Variants in PIK3CD observed in about 807,000 individuals in gnomAD.
PIK3CD encodes phosphatidylinositol-4,5-bisphosphate 3-kinase catalytic subunit delta, also known as phosphatidylinositol 4,5-bisphosphate 3-kinase catalytic subunit delta isoform.
PIK3CD carries 20 observed loss-of-function variants against 122.9 expected under a neutral mutation model. That is an observed-to-expected ratio of 0.16 (90% CI 0.11 to 0.24). The LOEUF is 0.24. Among genes scored for constraint, PIK3CD ranks in the 10% least tolerant of loss-of-function variants. The pLI is 1.00. For missense variants in PIK3CD, 787 were observed against 1,406.3 expected, an observed-to-expected ratio of 0.56 and a Z score of 7.04; for synonymous variants, 596 against 593.4, an observed-to-expected ratio of 1.00 and a Z score of -0.06.
rs1217360549 is a variant in PIK3CD, at chr1:9,689,094, C to A, written c.-137-2373C>A. On this transcript the variant is annotated intron_variant, in intron 1 of 23. Transcript: ENST00000377346. This position sits in a 1 kb window ranked among gnomAD's most constrained non-coding sequence, Gnocchi z 6.1. The stretch of plus-strand genomic sequence containing the variant: ...AGTGAGTCTGGCTCCGGCTCTGTGA[C>A]CTGGGTCCAGTACCCCGCCCTTTCT... Among the ~76,000 whole-genome samples the A allele has an allele frequency of 6.6e-6, 1 of 152,230 alleles. No homozygotes were observed. Among genetic ancestry groups the A allele is most frequent in the Non-Finnish European group, 1.5e-5 (1 of 68,036 alleles).
At chr1:9,705,624 T>C (rs1646803011) in intron 2 of PIK3CD, among the ~76,000 whole-genome samples, 1 of 152,192 alleles carries the variant, frequency 6.6e-6, no homozygotes, top group Admixed American at 6.5e-5. Context: ...AGGAATGGAA[T>C]CTAGAATATA....
At position 9,721,156 on chromosome 1, in the gene PIK3CD, G is replaced by C. The variant is rs774421473; in HGVS notation, c.1719G>C (p.Glu573Asp). The C allele has an allele frequency of 6.2e-7, 1 of 1,612,834 alleles. No individual in the cohort carries two copies. Among genetic ancestry groups the C allele is most frequent in the East Asian group, 2.2e-5 (1 of 44,872 alleles). ...TCTACCTGCTGTGCTCCTGGCCGGAGCTGCCCGTCCTGAGCGCCCTGGAGC... is the reference window on the plus strand; with the variant it reads ...TCTACCTGCTGTGCTCCTGGCCGGACCTGCCCGTCCTGAGCGCCCTGGAGC... ...QMLYLLCSWP[E>D]LPVLSALELL... The change falls in exon 14 of 24, where the codon GAG becomes GAC. Residue 573 changes from glutamate (E) to aspartate (D), a missense_variant. Around this residue, in one of 6 missense-constraint regions of PIK3CD, gnomAD observed 592 missense variants for 920.6 expected, o/e 0.64. Coordinates refer to ENST00000377346, the MANE Select transcript of PIK3CD (RefSeq NM_005026.5).
Position 9,716,968 on chromosome 1 carries a change from A to G in PIK3CD, c.790A>G (p.Ser264Gly). Residue 264 changes from serine to glycine, a missense_variant, in exon 7 of 24, where the codon AGC (serine) becomes GGC (glycine). Physicochemically the swap from Ser to Gly is moderately conservative, Grantham distance 56 (BLOSUM62 0). Around this residue, in one of 6 missense-constraint regions of PIK3CD, gnomAD observed 592 missense variants for 920.6 expected, o/e 0.64. Coordinates refer to ENST00000377346, the MANE Select transcript of PIK3CD (RefSeq NM_005026.5). ...CTGCACCCCGTCTCAGTACATCTGC[A>G]GCTGCCTGCACAGTGGGTTGACCCC... Reference protein sequence around the residue: ...YPLCQFQYICSCLHSGLTPHL... With the variant: ...YPLCQFQYICGCLHSGLTPHL... The G allele has an allele frequency of 6.2e-7, 1 of 1,613,790 alleles. No individual in the cohort carries two copies. Among genetic ancestry groups the G allele is most frequent in the Non-Finnish European group, 8.5e-7 (1 of 1,180,006 alleles).
chr1:9,672,394 A>G (rs1208300135), intron 1 of PIK3CD: 1 of 152,146 alleles, frequency 6.6e-6, no homozygotes, highest in Non-Finnish European at 1.5e-5. Context: ...ATGATGAACC[A>G]TTAGACACAA....
chr1:9,636,878 T>C, the PIK3CD span, among the ~76,000 whole-genome samples: 1 of 144,210 alleles, frequency 6.9e-6, no homozygotes, highest in East Asian at 2.6e-4. Flanking sequence ...TATGGCATGG[T>C]TTCTTTTTTT....
chr1:9,688,374 A>G (rs577954589), intron 1 of PIK3CD: 2 of 152,376 alleles, frequency 1.3e-5, no homozygotes, highest in East Asian at 3.9e-4. Flanking sequence ...CTTGCAGAGC[A>G]AGAGGGGTAT....
chr1:9,649,074 C>A (rs1644633089), upstream of PIK3CD, among the ~76,000 whole-genome samples: 1 of 151,650 alleles, frequency 6.6e-6, no homozygotes, highest in African/African-American at 2.4e-5. Flanking sequence ...TGCACTCCAG[C>A]CTGGGTGACA....
In PIK3CD at chr1:9,717,730, C is replaced by T. The variant is rs1208827309; in HGVS notation, c.1020+104C>T. On this transcript the variant is annotated intron_variant, in intron 8 of 23. Transcript: ENST00000377346. The surrounding 1 kb of genome is among the most constrained non-coding windows in gnomAD (Gnocchi z 5.4). ...GGAAGGAGGGGGATCACATGAAAGC[C>T]ACCTGACCACATTACCCAGCATCCC... 9 of 1,000,608 alleles carry T rather than the reference C, an allele frequency of 9.0e-6. No individual in the cohort carries two copies. Among genetic ancestry groups the T allele is most frequent in the Admixed American group, 7.9e-5 (4 of 50,386 alleles). 62.0% of individuals were successfully genotyped at this position (1,000,608 alleles called of 1,614,324 possible).
chr1:9,647,026 G>T (rs1644615635), upstream of PIK3CD, among the ~76,000 whole-genome samples: 1 of 151,616 alleles, frequency 6.6e-6, no homozygotes, highest in South Asian at 2.1e-4. Context: ...TGGGAGAATT[G>T]CTTGAAGATG....
At chr1:9,651,047 T>A (rs1644663034), upstream of PIK3CD, among the ~76,000 whole-genome samples, 1 of 152,156 alleles carries the variant, frequency 6.6e-6, no homozygotes, top group Non-Finnish European at 1.5e-5. Flanking sequence ...GGTTTCCCTA[T>A]GTTGCCCAGG....
rs1647576995 is a variant in PIK3CD, at chr1:9,716,946, C to T, written c.781-13C>T. ...GCCGCCCCACCAGCCGCTCACCCTG[C>T]ACCCCGTCTCAGTACATCTGCAGCT... On this transcript the variant is annotated splice_polypyrimidine_tract_variant and intron_variant, in intron 6 of 23. Coordinates refer to ENST00000377346, the MANE Select transcript of PIK3CD (RefSeq NM_005026.5). 2 of 1,613,520 alleles carry T rather than the reference C, an allele frequency of 1.2e-6. No homozygotes were observed. The highest frequency in any genetic ancestry group is 3.3e-5 in the Admixed American group (2 of 60,004).
At chr1:9,630,707 A>AGTGT in the PIK3CD span, among the ~76,000 whole-genome samples, 2,458 of 147,630 alleles carry the variant, frequency 0.017, 64 homozygotes, top group African/African-American at 0.053. Flanking sequence ...AAAGAAAGTG[A>AGTGT]GTGTGTGTGT....
upstream of PIK3CD, among the ~76,000 whole-genome samples, chr1:9,651,575 G>C (rs1644671142): frequency 6.6e-6 from 1 of 152,212 alleles, no homozygotes; most frequent in Non-Finnish European, 1.5e-5. Context: ...AGCGGTAGGC[G>C]AACTGGGGAG....
In PIK3CD at chr1:9,717,472, C is replaced by T. The variant is rs1647684248; in HGVS notation, c.931-65C>T. On this transcript the variant is annotated intron_variant, in intron 7 of 23. Transcript: ENST00000377346. The surrounding 1 kb of genome is among the most constrained non-coding windows in gnomAD (Gnocchi z 5.4). ...CGCCCCCAAGTGGTCACGGGCCTCA[C>T]CATAGGCCAGGGAGACAAGCTGCAC... 5 of 1,518,720 alleles carry T rather than the reference C, an allele frequency of 3.3e-6. No individual in the cohort carries two copies. Among genetic ancestry groups the T allele is most frequent in the Non-Finnish European group, 4.6e-6 (5 of 1,093,760 alleles). The allele number at this position is 1,518,720 out of a possible 1,614,324, so 94.1% of individuals were successfully genotyped here.
At chr1:9,703,048 T>G (rs1015550441) in intron 2 of PIK3CD, among the ~76,000 whole-genome samples, 9 of 152,208 alleles carry the variant, frequency 5.9e-5, no homozygotes, top group African/African-American at 2.2e-4. Context: ...GCTTGTACTG[T>G]CTGCTTTAGC....
Position 9,717,361 on chromosome 1 carries a change from T to C in PIK3CD, c.931-176T>C, listed in dbSNP as rs1441556713. Among the ~76,000 whole-genome samples, 6 of 151,684 alleles carry C rather than the reference T, an allele frequency of 4.0e-5. No homozygotes were observed. The highest frequency in any genetic ancestry group is 8.9e-5 in the Non-Finnish European group (6 of 67,764). ...AGAGCTCAGGGGTGTTGGGGCCCCC[T>C]GGGGAGCCCGCATGGCAGGTTTTCT... On this transcript the variant is annotated intron_variant, in intron 7 of 23. Coordinates refer to ENST00000377346, the MANE Select transcript of PIK3CD (RefSeq NM_005026.5). The surrounding 1 kb of genome is among the most constrained non-coding windows in gnomAD (Gnocchi z 5.4).
At chr1:9,721,329 C>T in intron 14 of PIK3CD, 81 bp downstream of exon 14, 2 of 1,610,120 alleles carry the variant, frequency 1.2e-6, no homozygotes, top group Admixed American at 1.7e-5. Context: ...TGGGTGGGGC[C>T]TGAACCTTCC....
At chr1:9,673,976 G>C (rs1272057247) in intron 1 of PIK3CD, among the ~76,000 whole-genome samples, 1 of 152,182 alleles carries the variant, frequency 6.6e-6, no homozygotes, top group African/African-American at 2.4e-5. Context: ...AGACAGGAAG[G>C]AAGGCTCGAC....
chr1:9,716,828 C>T (rs1647548842), intron 6 of PIK3CD, 131 bp from the exon 7 acceptor site: 2 of 1,366,948 alleles, frequency 1.5e-6, no homozygotes, highest in African/African-American at 1.4e-5. Flanking sequence ...GCAGGAAAAA[C>T]CAGCAGGAAG....
Sources: gnomAD v4.1 joint callset for allele counts (sites outside exome capture counted in the v4.1 genomes callset) on GRCh38, gnomAD v4.1.1 for gene constraint, gnomAD v4.1.1 regional missense constraint, Gnocchi (gnomAD v3.1) non-coding constraint, MANE v1.5 for transcripts, NCBI Gene and HGNC (gene_info 2026-07-23, HGNC 2026-07-21) for gene names.